LTBP2: variants seen among roughly 807,000 people sequenced by gnomAD.
LTBP2 encodes latent transforming growth factor beta binding protein 2, also known as latent-transforming growth factor beta-binding protein 2.
Under a neutral mutation model 210.6 loss-of-function variants are expected in LTBP2, and 103 were observed. The observed-to-expected ratio is 0.49, with a 90% CI of 0.42 to 0.58. LTBP2 has a LOEUF of 0.58. Ranked by LOEUF, LTBP2 falls within the 20% of genes least tolerant of loss-of-function variation. LTBP2 has a pLI of 0.00. For synonymous variants in LTBP2, 1,007 were observed against 1,015.0 expected (o/e 0.99, Z 0.15); for missense variants, 2,313 against 2,494.5 (o/e 0.93, Z 1.55).
At chr14:74,511,535 G>A (rs1326417490) in intron 18 of LTBP2, among the ~76,000 whole-genome samples, 171 bp from the exon 19 acceptor site, 4 of 152,168 alleles carry the variant, frequency 2.6e-5, no homozygotes, top group African/African-American at 4.8e-5. Flanking sequence ...CTCACCCACC[G>A]TCTGGGACAA....
Position 74,611,783 on chromosome 14 carries a change from C to T in LTBP2, c.162G>A (p.Arg54=). ...EPAGGDANRL[R]RPGGSYPAAA... is the part of the protein sequence containing the mutation. Reference sequence around the variant, plus strand: ...CTGCCGGGTAGCTGCCCCCAGGGCGCCGCAGTCGATTCGCGTCTCCACCAG... The same window carrying T: ...CTGCCGGGTAGCTGCCCCCAGGGCGTCGCAGTCGATTCGCGTCTCCACCAG... The change falls in exon 1 of 36, where the codon CGG becomes CGA. Residue 54 remains arginine, a synonymous_variant. Transcript: ENST00000261978. 1 of 1,610,400 alleles carries T rather than the reference C, an allele frequency of 6.2e-7. No individual in the cohort carries two copies. Among genetic ancestry groups the T allele is most frequent in the Non-Finnish European group, 8.5e-7 (1 of 1,179,558 alleles).
Position 74,505,068 on chromosome 14 carries a change from G to A in LTBP2, c.4284C>T (p.Gly1428=), listed in dbSNP as rs776930449. ...AGCATTCAGCCTGTGTGGTGTTCCG[G>A]CCCAGGACACTGGAGCAGGGCGCAT... ...KGHAPCSSVL[G]RNTTQAECCC... is the part of the protein sequence containing the mutation. The change falls in exon 29 of 36, where the codon GGC becomes GGT. Residue 1428 remains glycine, a synonymous_variant. Coordinates refer to ENST00000261978, the MANE Select transcript of LTBP2 (RefSeq NM_000428.3). 1.2e-6 allele frequency: 2 copies of A among 1,614,128 alleles called. No individual in the cohort carries two copies. Among genetic ancestry groups the A allele is most frequent in the South Asian group, 1.1e-5 (1 of 91,080 alleles).
chr14:74,552,844 T>G, intron 5 of LTBP2, 48 bp downstream of exon 5: 2 of 1,585,466 alleles, frequency 1.3e-6, no homozygotes, highest in Non-Finnish European at 1.7e-6. Flanking sequence ...TCTGGCCATC[T>G]ACCCTCCAGG....
intron 3 of LTBP2, among the ~76,000 whole-genome samples, chr14:74,571,307 C>T (rs1422626722): frequency 1.3e-5 from 2 of 152,170 alleles, no homozygotes; most frequent in South Asian, 2.1e-4. Context: ...GCACTCCAGC[C>T]TGGATAACAG....
intron 35 of LTBP2, 86 bp from the exon 36 acceptor site, chr14:74,501,115 A>G: frequency 6.8e-7 from 1 of 1,473,110 alleles, no homozygotes. Flanking sequence ...AGCCCTGGCC[A>G]CTGCCCTAGA....
At chr14:74,587,703 C>G (rs2088227595) in intron 2 of LTBP2, among the ~76,000 whole-genome samples, 1 of 152,110 alleles carries the variant, frequency 6.6e-6, no homozygotes, top group African/African-American at 2.4e-5. Flanking sequence ...CTAAGGGCAC[C>G]TGTGAAACTA....
intron 18 of LTBP2, among the ~76,000 whole-genome samples, chr14:74,515,787 C>G (rs1388097758): frequency 1.3e-5 from 2 of 152,070 alleles, no homozygotes; most frequent in African/African-American, 4.8e-5. Flanking sequence ...CTCCATCGTG[C>G]TAAGGAGGAC....
Position 74,498,822 on chromosome 14 carries a change from T to A in LTBP2, c.*2062A>T. 4.3e-6 allele frequency: 1 copy of A among 230,226 alleles called. No individual in the cohort carries two copies. Among genetic ancestry groups the A allele is most frequent in the Non-Finnish European group, 8.6e-6 (1 of 116,134 alleles). The allele number at this position is 230,226 out of a possible 1,614,324, so 14.3% of individuals were successfully genotyped here. A position where few individuals can be genotyped will look rare whatever the true frequency, so the allele number is the denominator to read the frequency against. ...CAAATAGTGTTATGTTACATGCTGT[T>A]ATGCAACCCTCCCTTTTCCCCTTAA... On this transcript the variant is annotated 3_prime_UTR_variant, in exon 36 of 36. Coordinates refer to ENST00000261978, the MANE Select transcript of LTBP2 (RefSeq NM_000428.3).
At chr14:74,564,915 T>C (rs1445456133) in intron 3 of LTBP2, among the ~76,000 whole-genome samples, 1 of 152,174 alleles carries the variant, frequency 6.6e-6, no homozygotes, top group Non-Finnish European at 1.5e-5. Context: ...ATCCTAAATC[T>C]ACCATTAATC....
At position 74,511,376 on chromosome 14, in the gene LTBP2, C is replaced by T. The variant is rs1190502324; in HGVS notation, c.2909-12G>A. 6 of 1,613,696 alleles carry T rather than the reference C, an allele frequency of 3.7e-6. No homozygotes were observed. The highest frequency in any genetic ancestry group is 4.2e-6 in the Non-Finnish European group (5 of 1,179,826). The stretch of plus-strand genomic sequence containing the variant: ...GCATTCGTTGATATCTGCAAAACAG[C>T]AGCCCCTCCCTTGGTCATCCCTGGG... On this transcript the variant is annotated splice_polypyrimidine_tract_variant and intron_variant, in intron 18 of 35. Transcript: ENST00000261978.
intron 12 of LTBP2, among the ~76,000 whole-genome samples, chr14:74,527,787 G>A (rs1293060456): frequency 6.6e-6 from 1 of 152,220 alleles, no homozygotes; most frequent in East Asian, 1.9e-4. Flanking sequence ...TTTGGGCCAG[G>A]GGAACAGTTT....
At chr14:74,591,107 G>A (rs1046668124) in intron 2 of LTBP2, among the ~76,000 whole-genome samples, 1 of 152,142 alleles carries the variant, frequency 6.6e-6, no homozygotes, top group African/African-American at 2.4e-5. Flanking sequence ...GTTCTGCCTT[G>A]CTTGCTAATA....
chr14:74,533,684 C>A (rs1003808066), intron 9 of LTBP2, among the ~76,000 whole-genome samples: 1 of 152,162 alleles, frequency 6.6e-6, no homozygotes, highest in South Asian at 2.1e-4. Flanking sequence ...TGCACGCATC[C>A]CCCCGGAAAC....
At chr14:74,522,686 C>T (rs1294444253) in intron 16 of LTBP2, 104 bp downstream of exon 16, 1 of 1,393,490 alleles carries the variant, frequency 7.2e-7, no homozygotes, top group Non-Finnish European at 9.6e-7. Flanking sequence ...CCACCCAGCA[C>T]TGCTTGGACC....
chr14:74,578,235 C>T (rs1430342978), intron 3 of LTBP2, among the ~76,000 whole-genome samples: 1 of 152,166 alleles, frequency 6.6e-6, no homozygotes, highest in African/African-American at 2.4e-5. Flanking sequence ...GTGTTCCACA[C>T]TGATCTGTCA....
chr14:74,571,427 A>G (rs2087975812), intron 3 of LTBP2, among the ~76,000 whole-genome samples: 2 of 152,244 alleles, frequency 1.3e-5, no homozygotes, highest in Non-Finnish European at 2.9e-5. Flanking sequence ...TGACAATTCC[A>G]TAAGGTAGCA....
rs200989708 is a variant in LTBP2, at chr14:74,527,395, C to G, written c.2369-29G>C. ...GAAGGGAAAGGTAACAGCGTGAGCT[C>G]AGGGAGGAGGGTCTGGCTGCCTTCT... On this transcript the variant is annotated intron_variant, in intron 12 of 35. Transcript: ENST00000261978. 2.8e-5 allele frequency: 45 copies of G among 1,604,910 alleles called. No individual in the cohort carries two copies. The East Asian group carries it at 9.9e-4, about 35-fold the overall frequency.
intron 10 of LTBP2, among the ~76,000 whole-genome samples, chr14:74,531,557 C>A (rs1018283915): frequency 6.6e-6 from 1 of 152,212 alleles, no homozygotes; most frequent in Non-Finnish European, 1.5e-5. Flanking sequence ...TGTCTTCTCT[C>A]CCTAGAGCCA....
Position 74,612,007 on chromosome 14 carries a change from T to C in LTBP2, c.-63A>G. On this transcript the variant is annotated 5_prime_UTR_variant, in exon 1 of 36. Transcript: ENST00000261978. The stretch of plus-strand genomic sequence containing the variant: ...GCGAAGAGCTTTGTGGTCGGCACGC[T>C]GGACGCCCGCGGGCTGTTCTCCCGG... 5.6e-6 allele frequency: 8 copies of C among 1,439,558 alleles called. 1 individual carries two copies. Among genetic ancestry groups the C allele is most frequent in the East Asian group, 5.2e-5 (2 of 38,390 alleles). 89.2% of individuals were successfully genotyped at this position (1,439,558 alleles called of 1,614,324 possible).
Sources: gnomAD v4.1 joint callset for allele counts (sites outside exome capture counted in the v4.1 genomes callset) on GRCh38, gnomAD v4.1.1 for gene constraint, MANE v1.5 for transcripts, NCBI Gene and HGNC (gene_info 2026-07-23, HGNC 2026-07-21) for gene names.